Variants in KDM2B observed in about 807,000 individuals in gnomAD.
KDM2B encodes the protein lysine-specific demethylase 2B.
Under a neutral mutation model 150.0 loss-of-function variants are expected in KDM2B, and 26 were observed. The observed-to-expected ratio is 0.17, with a 90% CI of 0.13 to 0.24. The LOEUF is 0.24. Among genes scored for constraint, KDM2B ranks in the 10% least tolerant of loss-of-function variants. The pLI, the probability that KDM2B is intolerant of heterozygous loss-of-function variation, is 1.00. For synonymous variants in KDM2B, 734 were observed against 729.5 expected (o/e 1.01, Z -0.10); for missense variants, 1,265 against 1,816.9 (o/e 0.70, Z 5.52).
the KDM2B span, among the ~76,000 whole-genome samples, chr12:121,414,102 G>T: frequency 0.026 from 4,017 of 152,216 alleles, 69 homozygotes; most frequent in Non-Finnish European, 0.042. Context: ...AAGGTTGAGG[G>T]CTTTTTATTT....
In KDM2B at chr12:121,429,579, T is replaced by TA. The variant is rs782136805; in HGVS notation, c.*708dup. The stretch of plus-strand genomic sequence containing the variant: ...TACATTTATCCACAACATGCTCATG[T>TA]AACTCTTGAGGTACAAAGCAGACTC... On this transcript the variant is annotated 3_prime_UTR_variant, in exon 23 of 23. Transcript: ENST00000377071. The TA allele has an allele frequency of 2.9e-5, 5 of 171,036 alleles. No homozygotes were observed. Among genetic ancestry groups the TA allele is most frequent in the Middle Eastern group, 5.8e-3 (2 of 344 alleles). 10.6% of individuals were successfully genotyped at this position (171,036 alleles called of 1,614,324 possible). A position where few individuals can be genotyped will look rare whatever the true frequency, so the allele number is the denominator to read the frequency against.
At chr12:121,481,020 C>A (rs1245977246) in intron 12 of KDM2B, among the ~76,000 whole-genome samples, 1 of 151,488 alleles carries the variant, frequency 6.6e-6, no homozygotes, top group Non-Finnish European at 1.5e-5. Context: ...CTCCACCTCC[C>A]GAGTTCAAGC....
At chr12:121,552,756 G>A (rs1436796144) in intron 4 of KDM2B, among the ~76,000 whole-genome samples, 3 of 152,044 alleles carry the variant, frequency 2.0e-5, no homozygotes, top group Non-Finnish European at 4.4e-5. Context: ...AGTGGATCCA[G>A]GGGAAAGCAG....
At chr12:121,548,851 T>G in intron 6 of KDM2B, 26 bp downstream of exon 6, 1 of 1,583,882 alleles carries the variant, frequency 6.3e-7, no homozygotes, top group Non-Finnish European at 8.7e-7. Context: ...CCCTGCCAGC[T>G]CTGGCCACCA....
intron 12 of KDM2B, among the ~76,000 whole-genome samples, chr12:121,493,546 A>C (rs182368894): frequency 6.6e-6 from 1 of 152,186 alleles, no homozygotes; most frequent in Non-Finnish European, 1.5e-5. Flanking sequence ...GTGCTCACCA[A>C]AACTGTTTTC....
chr12:121,441,007 AG>A (rs1566259694), intron 20 of KDM2B, 30 bp from the exon 21 acceptor site: 1 of 1,612,572 alleles, frequency 6.2e-7, no homozygotes, highest in Non-Finnish European at 8.5e-7. Flanking sequence ...GGTGAAGGTC[AG>A]GGGATGTGTC....
chr12:121,519,255 T>G (rs1287182015), intron 9 of KDM2B, among the ~76,000 whole-genome samples: 1 of 152,222 alleles, frequency 6.6e-6, no homozygotes, highest in Non-Finnish European at 1.5e-5. Flanking sequence ...TGCTCATGTA[T>G]GTGATTTTGT....
Position 121,467,429 on chromosome 12 carries a change from G to A in KDM2B, c.1735-14085C>T. On this transcript the variant is annotated intron_variant, in intron 12 of 22. Coordinates refer to ENST00000377071, the MANE Select transcript of KDM2B (RefSeq NM_032590.5). This position sits in a 1 kb window ranked among gnomAD's most constrained non-coding sequence, Gnocchi z 5.1. ...GGGAGGGCCGGGGCGCCATGCATAT[G>A]CATGAGGCGAGCCAGGAAGGGGCTG... 1 of 825,384 alleles carries A rather than the reference G, an allele frequency of 1.2e-6. No individual in the cohort carries two copies. The highest frequency in any genetic ancestry group is 1.5e-6 in the Non-Finnish European group (1 of 686,386). 51.1% of individuals were successfully genotyped at this position (825,384 alleles called of 1,614,324 possible).
In KDM2B at chr12:121,444,122, G is replaced by A. The variant is rs1555289446; in HGVS notation, c.2341C>T (p.His781Tyr). The A allele has an allele frequency of 1.9e-6, 3 of 1,613,240 alleles. No individual in the cohort carries two copies. The Admixed American group carries it at 5.0e-5, about 27-fold the overall frequency. The change falls in exon 16 of 23, where the codon CAC becomes TAC. Residue 781 changes from histidine to tyrosine, a missense_variant. This residue lies in a region of KDM2B where 418 missense variants were observed against 402.4 expected (regional missense o/e 1.04). Transcript: ENST00000377071. ...CCGTCCGGCGGCACCTTCTTCGAGTGCTCATCCGACCTGCGCCGGGGCGCC... is the reference window on the plus strand; with the variant it reads ...CCGTCCGGCGGCACCTTCTTCGAGTACTCATCCGACCTGCGCCGGGGCGCC... ...EEAPRRRSDE[H>Y]SKKVPPDGLL...
intron 4 of KDM2B, among the ~76,000 whole-genome samples, chr12:121,568,541 T>C (rs2136398745): frequency 6.6e-6 from 1 of 151,912 alleles, no homozygotes; most frequent in East Asian, 1.9e-4. Context: ...ACAAACAATA[T>C]GGACGAATTG....
chr12:121,549,729 C>CCTTG lies in KDM2B; in HGVS notation c.398-92_398-91insCAAG. ...CCCTCACTAAACAAAAGCTGCTCCT[C>CCTTG]CACGTTTCCCCACAGTCCTCACCCC... On this transcript the variant is annotated intron_variant, in intron 4 of 22. Coordinates refer to ENST00000377071, the MANE Select transcript of KDM2B (RefSeq NM_032590.5). This position sits in a 1 kb window ranked among gnomAD's most constrained non-coding sequence, Gnocchi z 4.4. 2 of 1,151,286 alleles carry CCTTG rather than the reference C, an allele frequency of 1.7e-6. No homozygotes were observed. The highest frequency in any genetic ancestry group is 2.4e-6 in the Non-Finnish European group (2 of 816,968). 71.3% of individuals were successfully genotyped at this position (1,151,286 alleles called of 1,614,324 possible).
chr12:121,563,219 G>A (rs1890467124), intron 4 of KDM2B, among the ~76,000 whole-genome samples: 1 of 152,140 alleles, frequency 6.6e-6, no homozygotes, highest in African/African-American at 2.4e-5. Context: ...GGAGGCTGAG[G>A]CAGCAAGATC....
chr12:121,439,715 G>T (rs1874654617), intron 22 of KDM2B, 142 bp downstream of exon 22: 3 of 672,394 alleles, frequency 4.5e-6, no homozygotes, highest in Non-Finnish European at 7.9e-6. Flanking sequence ...TTCCCCCCTG[G>T]ACTGGGCTGT....
intron 12 of KDM2B, among the ~76,000 whole-genome samples, chr12:121,457,977 T>G (rs1201909079): frequency 6.6e-6 from 1 of 152,192 alleles, no homozygotes; most frequent in Non-Finnish European, 1.5e-5. Flanking sequence ...ATTACTTAGA[T>G]TAACCTAAAT....
At chr12:121,531,889 T>G (rs1887685090) in intron 8 of KDM2B, among the ~76,000 whole-genome samples, 1 of 152,098 alleles carries the variant, frequency 6.6e-6, no homozygotes, top group South Asian at 2.1e-4. Flanking sequence ...GGCCAGGAGT[T>G]GGAGACCAGC....
chr12:121,452,285 T>C lies in KDM2B; in HGVS notation c.1959+835A>G, dbSNP rs1384571194. 6.6e-6 allele frequency among the ~76,000 whole-genome samples: 1 copy of C among 152,068 alleles called. No individual in the cohort carries two copies. Among genetic ancestry groups the C allele is most frequent in the Non-Finnish European group, 1.5e-5 (1 of 68,042 alleles). On this transcript the variant is annotated intron_variant, in intron 13 of 22. Transcript: ENST00000377071. This position sits in a 1 kb window ranked among gnomAD's most constrained non-coding sequence, Gnocchi z 4.4. ...GCATACTTAAAAATGATTAATGTAT[T>C]TTTTTTACCACAATTTCAAAAAACA...
chr12:121,572,107 C>A (rs73407678), intron 4 of KDM2B, among the ~76,000 whole-genome samples: 18,951 of 152,096 alleles, frequency 0.12, 3,293 homozygotes, highest in African/African-American at 0.39. Context: ...CTAAGGTGGG[C>A]GGATCGCTTA....
chr12:121,509,473 C>T, intron 11 of KDM2B, 94 bp downstream of exon 11: 7 of 1,534,624 alleles, frequency 4.6e-6, no homozygotes, highest in Non-Finnish European at 5.2e-6. Context: ...GCAATCTGCA[C>T]AGAGCCATCG....
rs1377270837 is a variant in KDM2B at position 121,533,879 on chromosome 12, C to T, written c.777+618G>A. On this transcript the variant is annotated intron_variant, in intron 7 of 22. Transcript: ENST00000377071. This position sits in a 1 kb window ranked among gnomAD's most constrained non-coding sequence, Gnocchi z 4.1. Reference sequence around the variant, plus strand: ...CCTACAATCCCAGCACTTTGGAAGACCAAGACGAGAGGATCACGTGAGCCC... The same window carrying T: ...CCTACAATCCCAGCACTTTGGAAGATCAAGACGAGAGGATCACGTGAGCCC... Among the ~76,000 whole-genome samples the T allele has an allele frequency of 6.6e-6, 1 of 152,174 alleles. No homozygotes were observed. Among genetic ancestry groups the T allele is most frequent in the Non-Finnish European group, 1.5e-5 (1 of 68,034 alleles).
Sources: allele counts gnomAD v4.1 joint callset (sites outside exome capture counted in the v4.1 genomes callset), GRCh38; gene constraint gnomAD v4.1.1; regional missense constraint gnomAD v4.1.1; non-coding constraint Gnocchi (gnomAD v3.1); transcripts MANE v1.5; gene names NCBI Gene and HGNC (gene_info 2026-07-23, HGNC 2026-07-21).